The following CAST variants were observed in gnomAD, a reference collection of about 807,000 sequenced individuals.
The protein encoded by CAST is MIR583 host.
CAST carries 76 observed loss-of-function variants against 119.6 expected under a neutral mutation model. The observed-to-expected ratio is 0.64, with a 90% confidence interval of 0.53 to 0.77. The LOEUF is 0.77. CAST is among the 30% of genes least tolerant of loss of function. CAST has a pLI of 0.00. For missense variants in CAST, 953 were observed against 946.5 expected (o/e 1.01, Z -0.09); for synonymous variants, 319 against 331.6 (o/e 0.96, Z 0.41).
intron 1 of CAST, among the ~76,000 whole-genome samples, chr5:96,563,202 C>T (rs1478147542): frequency 6.6e-6 from 1 of 152,100 alleles, no homozygotes; most frequent in Non-Finnish European, 1.5e-5. Flanking sequence ...AACAAAACTC[C>T]CATAAAAAAT....
intron 1 of CAST, among the ~76,000 whole-genome samples, chr5:96,653,734 T>A (rs1403671257): frequency 6.6e-6 from 1 of 152,200 alleles, no homozygotes; most frequent in Non-Finnish European, 1.5e-5. Context: ...ATATTTCATT[T>A]TGGCTTCTTT....
the CAST span, chr5:96,410,687 C>T: frequency 3.2e-5 from 34 of 1,070,240 alleles, no homozygotes; most frequent in African/African-American, 2.2e-4. Context: ...GCGAATCAGT[C>T]GTACCAAAGG....
At chr5:96,093,866 T>C in the CAST span, among the ~76,000 whole-genome samples, 1,489 of 152,320 alleles carry the variant, frequency 9.8e-3, 30 homozygotes, top group African/African-American at 0.033. Context: ...AGTCCTAGGC[T>C]TTTTGCCTGG....
chr5:96,221,934 G>C, the CAST span, among the ~76,000 whole-genome samples: 1 of 152,194 alleles, frequency 6.6e-6, no homozygotes, highest in East Asian at 1.9e-4. Flanking sequence ...GAACAGAATA[G>C]AGCACCCAGA....
the CAST span, among the ~76,000 whole-genome samples, chr5:96,234,415 A>G: frequency 1.3e-5 from 2 of 152,164 alleles, no homozygotes; most frequent in Admixed American, 6.5e-5. Flanking sequence ...GCATGGGAAT[A>G]TTGTCATTTG....
At chr5:96,137,112 C>G in the CAST span, among the ~76,000 whole-genome samples, 2 of 152,180 alleles carry the variant, frequency 1.3e-5, no homozygotes, top group Non-Finnish European at 2.9e-5. Flanking sequence ...TGGACCAACT[C>G]TCATGTATCT....
chr5:96,099,408 T>A, the CAST span, among the ~76,000 whole-genome samples: 1 of 152,226 alleles, frequency 6.6e-6, no homozygotes, highest in South Asian at 2.1e-4. Flanking sequence ...GTGTTGATTT[T>A]CAAGGGGAAT....
At chr5:96,479,750 C>T in the CAST span, among the ~76,000 whole-genome samples, 2 of 152,044 alleles carry the variant, frequency 1.3e-5, no homozygotes, top group Non-Finnish European at 2.9e-5. Flanking sequence ...ACCCGGCTGG[C>T]ACTCTTAAAG....
intron 1 of CAST, among the ~76,000 whole-genome samples, chr5:96,540,148 C>T (rs535111382): frequency 6.6e-6 from 1 of 152,134 alleles, no homozygotes; most frequent in South Asian, 2.1e-4. Flanking sequence ...CATATTAGCT[C>T]CACAATGTGT....
chr5:96,401,060 C>T, the CAST span, among the ~76,000 whole-genome samples: 1 of 121,584 alleles, frequency 8.2e-6, no homozygotes, highest in Admixed American at 9.6e-5. Flanking sequence ...GCAATCCGGC[C>T]TGGGCTAAAG....
At chr5:96,202,635 C>T in the CAST span, among the ~76,000 whole-genome samples, 2 of 151,954 alleles carry the variant, frequency 1.3e-5, no homozygotes, top group African/African-American at 4.8e-5. Flanking sequence ...TTTTGAGAGG[C>T]GTGAATATCT....
At chr5:96,718,437 G>C (rs1162886782) in intron 3 of CAST, among the ~76,000 whole-genome samples, 1 of 151,980 alleles carries the variant, frequency 6.6e-6, no homozygotes, top group East Asian at 1.9e-4. Flanking sequence ...CTACCTATCA[G>C]GTACTGTGCT....
the CAST span, among the ~76,000 whole-genome samples, chr5:96,011,908 A>G: frequency 6.6e-6 from 1 of 152,318 alleles, no homozygotes; most frequent in African/African-American, 2.4e-5. Flanking sequence ...CTCTATATTT[A>G]ACTACACAAA....
chr5:96,180,010 G>A, the CAST span, among the ~76,000 whole-genome samples: 6 of 151,316 alleles, frequency 4.0e-5, no homozygotes, highest in Middle Eastern at 3.4e-3. Context: ...GAGACAGAGC[G>A]AGACTCCATC....
the CAST span, among the ~76,000 whole-genome samples, chr5:96,475,317 A>G: frequency 9.2e-5 from 14 of 152,342 alleles, no homozygotes; most frequent in East Asian, 2.3e-3. Flanking sequence ...ATAAGGAGTT[A>G]TTACCATGGT....
the CAST span, among the ~76,000 whole-genome samples, chr5:96,313,687 T>C: frequency 6.6e-6 from 1 of 152,196 alleles, no homozygotes; most frequent in African/African-American, 2.4e-5. Context: ...ACCTTCACTT[T>C]ATAAACTGCC....
At chr5:96,457,999 T>C in the CAST span, among the ~76,000 whole-genome samples, 139 of 152,346 alleles carry the variant, frequency 9.1e-4, 1 homozygote, top group African/African-American at 3.3e-3. Flanking sequence ...ATTGTCAGGA[T>C]AAGTCTTGCT....
the CAST span, among the ~76,000 whole-genome samples, chr5:95,998,775 G>T: frequency 6.6e-6 from 1 of 152,174 alleles, no homozygotes; most frequent in Non-Finnish European, 1.5e-5. Flanking sequence ...CCAATAGTGG[G>T]ATTGTTGGAT....
the CAST span, among the ~76,000 whole-genome samples, chr5:96,454,905 A>G: frequency 6.6e-6 from 1 of 152,232 alleles, no homozygotes; most frequent in Non-Finnish European, 1.5e-5. Context: ...GAAAGCAAGC[A>G]TTTGGCTCAG....
Sources: allele counts gnomAD v4.1 joint callset (sites outside exome capture counted in the v4.1 genomes callset), GRCh38; gene constraint gnomAD v4.1.1; transcripts MANE v1.5; gene names NCBI Gene and HGNC (gene_info 2026-07-23, HGNC 2026-07-21).